The following ZBTB46 variants were observed in gnomAD, a reference collection of about 807,000 sequenced individuals.
ZBTB46 encodes zinc finger and BTB domain-containing protein 46.
Under a neutral mutation model 44.1 loss-of-function variants are expected in ZBTB46, and 8 were observed. The ratio of observed to expected loss-of-function variants is 0.18; its 90% CI spans 0.11 to 0.33. ZBTB46 has a LOEUF of 0.33. Ranked by LOEUF, ZBTB46 falls within the 10% of genes least tolerant of loss-of-function variation. ZBTB46 has a pLI of 1.00. For synonymous variants in ZBTB46, 409 were observed against 382.3 expected (o/e 1.07, Z -0.81); for missense variants, 651 against 847.7 (o/e 0.77, Z 2.88).
intron 2 of ZBTB46, among the ~76,000 whole-genome samples, chr20:63,780,569 G>A (rs1480513587): frequency 3.3e-5 from 5 of 152,066 alleles, no homozygotes; most frequent in Non-Finnish European, 7.4e-5. Context: ...CTCGGAGGCT[G>A]AGGCGGGCGG....
chr20:63,765,526 C>G (rs970958290), intron 3 of ZBTB46, among the ~76,000 whole-genome samples: 1 of 152,204 alleles, frequency 6.6e-6, no homozygotes, highest in African/African-American at 2.4e-5. Context: ...CCTGCTGTGC[C>G]CAAGCGATCC....
intron 2 of ZBTB46, among the ~76,000 whole-genome samples, chr20:63,777,572 A>G (rs2092436042): frequency 6.6e-6 from 1 of 152,252 alleles, no homozygotes; most frequent in African/African-American, 2.4e-5. Context: ...CCTGCGGAGC[A>G]GGTCGGCAGG....
chr20:63,785,246 A>AAAAG (rs1307467525), intron 2 of ZBTB46, among the ~76,000 whole-genome samples: 2 of 148,530 alleles, frequency 1.3e-5, no homozygotes, highest in Non-Finnish European at 3.0e-5. Flanking sequence ...AAAAGAAAAG[A>AAAAG]AAAGAAAAAG....
intron 1 of ZBTB46, among the ~76,000 whole-genome samples, chr20:63,830,249 T>G (rs1281774320): frequency 6.6e-6 from 1 of 152,136 alleles, no homozygotes; most frequent in Non-Finnish European, 1.5e-5. Flanking sequence ...GCAGGAGCCC[T>G]CCCTCTGGCG....
At chr20:63,811,684 G>C (rs1171388592) in intron 1 of ZBTB46, among the ~76,000 whole-genome samples, 2 of 152,170 alleles carry the variant, frequency 1.3e-5, no homozygotes, top group Admixed American at 1.3e-4. Flanking sequence ...GGCTCACCTT[G>C]CAGCCAGGTG....
chr20:63,744,402 C>CTCCT lies in ZBTB46; in HGVS notation c.*2527_*2528insAGGA, dbSNP rs2092068222. 3 of 152,274 alleles carry CTCCT rather than the reference C, an allele frequency of 2.0e-5. No individual in the cohort carries two copies. Among genetic ancestry groups the CTCCT allele is most frequent in the African/African-American group, 7.2e-5 (3 of 41,406 alleles). 9.4% of individuals were successfully genotyped at this position (152,274 alleles called of 1,614,324 possible). On this transcript the variant is annotated 3_prime_UTR_variant, in exon 5 of 5. Transcript: ENST00000245663. ...AGAAAAATCGTGGTGTCCCTGCCCC[C>CTCCT]TCCCCGCCCCCAAATAACACCATCC...
chr20:63,826,714 G>T (rs2092821514), intron 1 of ZBTB46, among the ~76,000 whole-genome samples: 2 of 152,226 alleles, frequency 1.3e-5, no homozygotes, highest in Admixed American at 6.5e-5. Context: ...GACAGAGCGA[G>T]ACTCCCTCTC....
At chr20:63,782,526 C>G (rs1200053162) in intron 2 of ZBTB46, among the ~76,000 whole-genome samples, 1 of 152,186 alleles carries the variant, frequency 6.6e-6, no homozygotes, top group Non-Finnish European at 1.5e-5. Context: ...GACAATAAGT[C>G]TGGTCATTTA....
intron 3 of ZBTB46, among the ~76,000 whole-genome samples, chr20:63,765,203 T>G (rs1054032942): frequency 2.6e-5 from 4 of 152,052 alleles, no homozygotes; most frequent in Non-Finnish European, 4.4e-5. Flanking sequence ...TGTTTCTTGC[T>G]TCTTGGGATT....
chr20:63,800,533 G>T (rs62219893), intron 1 of ZBTB46, among the ~76,000 whole-genome samples: 3 of 152,158 alleles, frequency 2.0e-5, no homozygotes, highest in African/African-American at 7.2e-5. Flanking sequence ...GGCCGGAGCC[G>T]GCTCCCTCAG....
chr20:63,784,937 GAA>G (rs1239193403), intron 2 of ZBTB46, among the ~76,000 whole-genome samples: 1 of 152,164 alleles, frequency 6.6e-6, no homozygotes, highest in Non-Finnish European at 1.5e-5. Flanking sequence ...TGTGTCCTTA[GAA>G]AAGAGACTTT....
At position 63,803,899 on chromosome 20, in the gene ZBTB46, T is replaced by C. The variant is rs1423925987; in HGVS notation, c.-33-13109A>G. On this transcript the variant is annotated intron_variant, in intron 1 of 4. Transcript: ENST00000245663. The surrounding 1 kb of genome is among the most constrained non-coding windows in gnomAD (Gnocchi z 4.0). ...TTTTTTTGTTTTGTAGAGACGGGGTTCTGTCGTGTTGCCCAGGTTGGTCTT... is the reference window on the plus strand; with the variant it reads ...TTTTTTTGTTTTGTAGAGACGGGGTCCTGTCGTGTTGCCCAGGTTGGTCTT... Among the ~76,000 whole-genome samples, 3 of 152,150 alleles carry C rather than the reference T, an allele frequency of 2.0e-5. No individual in the cohort carries two copies. The highest frequency in any genetic ancestry group is 7.2e-5 in the African/African-American group (3 of 41,430).
intron 3 of ZBTB46, among the ~76,000 whole-genome samples, chr20:63,766,710 G>C (rs1015652283): frequency 6.6e-6 from 1 of 152,158 alleles, no homozygotes; most frequent in Non-Finnish European, 1.5e-5. Flanking sequence ...AACCTCACTA[G>C]AAATCCCACT....
intron 3 of ZBTB46, among the ~76,000 whole-genome samples, chr20:63,761,820 T>C (rs2074341906): frequency 1.3e-5 from 2 of 152,086 alleles, no homozygotes; most frequent in Admixed American, 1.3e-4. Flanking sequence ...CATAGGGATT[T>C]ATTCTTTGAC....
intron 3 of ZBTB46, among the ~76,000 whole-genome samples, chr20:63,765,105 T>C: frequency 6.6e-6 from 1 of 150,486 alleles, no homozygotes; most frequent in South Asian, 2.1e-4. Flanking sequence ...GTATGTGTGG[T>C]TGTGTGTGTG....
intron 4 of ZBTB46, among the ~76,000 whole-genome samples, chr20:63,748,723 T>A (rs1188219090): frequency 1.3e-5 from 2 of 152,134 alleles, no homozygotes; most frequent in African/African-American, 4.8e-5. Flanking sequence ...GGCTCCTCCC[T>A]CCATCCACAG....
chr20:63,751,405 C>T (rs934735119), intron 4 of ZBTB46, among the ~76,000 whole-genome samples: 1 of 152,098 alleles, frequency 6.6e-6, no homozygotes, highest in Non-Finnish European at 1.5e-5. Flanking sequence ...ATATCCACTC[C>T]AGCACACATC....
intron 1 of ZBTB46, among the ~76,000 whole-genome samples, chr20:63,802,427 A>G (rs2092653076): frequency 6.6e-6 from 1 of 151,434 alleles, no homozygotes; most frequent in African/African-American, 2.4e-5. Flanking sequence ...CTCAAAAAAA[A>G]AACAATGAGG....
At position 63,747,104 on chromosome 20, in the gene ZBTB46, C is replaced by A; in HGVS notation, c.1596G>T (p.Gly532=). 1 of 1,609,998 alleles carries A rather than the reference C, an allele frequency of 6.2e-7. No individual in the cohort carries two copies. The highest frequency in any genetic ancestry group is 1.1e-5 in the South Asian group (1 of 91,046). The change falls in exon 5 of 5, where the codon GGG becomes GGT. Residue 532 remains glycine, a synonymous_variant. Transcript: ENST00000245663. ...GGTCCTCAGGGTCCTCCAGATAGGG[C>A]CCGTCGCCTGGGAACAGCGCCTCTG... ...GSPEALFPGD[G]PYLEDPEDPR... is the part of the protein sequence containing the mutation.
Sources: allele counts gnomAD v4.1 joint callset (sites outside exome capture counted in the v4.1 genomes callset), GRCh38; gene constraint gnomAD v4.1.1; non-coding constraint Gnocchi (gnomAD v3.1); transcripts MANE v1.5; gene names NCBI Gene and HGNC (gene_info 2026-07-23, HGNC 2026-07-21).